Variants in FOXP2 observed in about 807,000 individuals in gnomAD.
FOXP2 encodes forkhead box protein P2.
In FOXP2, 12 loss-of-function variants were observed where a neutral mutation model predicts 115.8. That is an observed-to-expected ratio of 0.10 (90% CI 0.07 to 0.17). The LOEUF is 0.17. Ranked by LOEUF, FOXP2 falls within the 10% of genes least tolerant of loss-of-function variation. FOXP2 has a pLI of 1.00. For synonymous variants in FOXP2, 328 were observed against 297.7 expected (o/e 1.10, Z -1.05); for missense variants, 629 against 843.5 (o/e 0.75, Z 3.15).
rs530477124 is a variant in FOXP2, at chr7:114,224,777, C to T, written c.-102+61689C>T. On this transcript the variant is annotated intron_variant, in intron 1 of 17. Coordinates refer to the FOXP2 transcript ENST00000634411. ...CAAGAGAACCTCTGGCCTCAACCTC[C>T]GTAGTAGGTGGGATTATAAGTGTGC... Among the ~76,000 whole-genome samples the T allele has an allele frequency of 5.3e-5, 8 of 152,146 alleles. 1 individual carries two copies. In the South Asian group the frequency reaches 1.2e-3, roughly 24 times the overall value.
At chr7:114,177,642 T>G (rs1793351718) in intron 1 of FOXP2, among the ~76,000 whole-genome samples, 2 of 152,078 alleles carry the variant, frequency 1.3e-5, no homozygotes, top group African/African-American at 4.8e-5. Context: ...TGTATGAGTT[T>G]TAGACAATAA....
chr7:114,510,348 C>T (rs572034083), intron 2 of FOXP2, among the ~76,000 whole-genome samples: 3 of 152,142 alleles, frequency 2.0e-5, no homozygotes, highest in Admixed American at 2.0e-4. Flanking sequence ...TCAATTATCT[C>T]TTTATGGCCA....
chr7:114,281,396 T>C (rs2129174893), intron 1 of FOXP2, among the ~76,000 whole-genome samples: 1 of 152,206 alleles, frequency 6.6e-6, no homozygotes, highest in East Asian at 1.9e-4. Context: ...CCACCGTGCC[T>C]GGCCTGAAAT....
chr7:114,637,662 G>A lies in FOXP2; in HGVS notation c.776-4748G>A, dbSNP rs578244650. ...ATACATTTTAGTGTAGAAGGCAGAT[G>A]ATAAATAAGTTAAGTAAAATATATA... On this transcript the variant is annotated intron_variant, in intron 6 of 16. Transcript: ENST00000350908. Among the ~76,000 whole-genome samples the A allele has an allele frequency of 3.6e-4, 54 of 152,090 alleles. 1 individual carries two copies. The highest frequency in any genetic ancestry group is 7.1e-4 in the Non-Finnish European group (48 of 68,030).
At chr7:114,225,925 C>A (rs1794735548) in intron 1 of FOXP2, among the ~76,000 whole-genome samples, 2 of 152,224 alleles carry the variant, frequency 1.3e-5, no homozygotes, top group Non-Finnish European at 2.9e-5. Context: ...ATTTTTCCCA[C>A]CCCACTTGTA....
At chr7:114,405,189 A>G (rs774700926) in intron 2 of FOXP2, among the ~76,000 whole-genome samples, 1 of 151,902 alleles carries the variant, frequency 6.6e-6, no homozygotes, top group Non-Finnish European at 1.5e-5. Flanking sequence ...TTATGTGTGT[A>G]GGTTTCTAAA....
chr7:114,679,423 C>T (rs899887376), intron 16 of FOXP2, among the ~76,000 whole-genome samples: 2 of 152,202 alleles, frequency 1.3e-5, no homozygotes, highest in African/African-American at 4.8e-5. Flanking sequence ...GCAACTCTAC[C>T]TGCAGTGTCC....
At chr7:114,616,286 T>C (rs6965288) in intron 3 of FOXP2, among the ~76,000 whole-genome samples, 19,809 of 151,438 alleles carry the variant, frequency 0.13, 1,565 homozygotes, top group African/African-American at 0.22. Context: ...CCTCAGCCTC[T>C]GGTGTAGCTG....
intron 1 of FOXP2, among the ~76,000 whole-genome samples, chr7:114,225,618 A>T (rs979944058): frequency 6.7e-6 from 1 of 149,950 alleles, no homozygotes; most frequent in African/African-American, 2.4e-5. Context: ...CTAATTTTTA[A>T]TTTTTTTTTG....
At chr7:114,671,536 T>C (rs1427199164) in intron 16 of FOXP2, among the ~76,000 whole-genome samples, 1 of 152,214 alleles carries the variant, frequency 6.6e-6, no homozygotes, top group Non-Finnish European at 1.5e-5. Context: ...AAGAAGGTAC[T>C]TTGTTAGAAC....
Position 114,690,049 on chromosome 7 carries a change from G to T in FOXP2, c.*123G>T. 1 of 1,229,440 alleles carries T rather than the reference G, an allele frequency of 8.1e-7. No individual in the cohort carries two copies. The highest frequency in any genetic ancestry group is 1.2e-5 in the South Asian group (1 of 81,248). The allele number at this position is 1,229,440 out of a possible 1,614,324, so 76.2% of individuals were successfully genotyped here. On this transcript the variant is annotated 3_prime_UTR_variant, in exon 17 of 17. Transcript: ENST00000350908. ...TTATTAAGCATGGATAAAGGAGACAGCCCTAAAGGAACTTACTAAGCCAGC... is the reference window on the plus strand; with the variant it reads ...TTATTAAGCATGGATAAAGGAGACATCCCTAAAGGAACTTACTAAGCCAGC...
intron 1 of FOXP2, among the ~76,000 whole-genome samples, chr7:114,106,347 G>A (rs1026141544): frequency 6.7e-6 from 1 of 148,730 alleles, no homozygotes; most frequent in Non-Finnish European, 1.5e-5. Flanking sequence ...TTTCCTAGCT[G>A]CTGTCCCCTC....
intron 10 of FOXP2, 166 bp downstream of exon 10, chr7:114,654,175 TAATGCTA>T: frequency 7.5e-6 from 11 of 1,469,136 alleles, no homozygotes; most frequent in South Asian, 1.3e-5. Flanking sequence ...TCTTTTAAAG[TAATGCTA>T]TCTTTTACAA....
At chr7:114,098,274 C>T (rs1349267204) in intron 1 of FOXP2, among the ~76,000 whole-genome samples, 1 of 152,132 alleles carries the variant, frequency 6.6e-6, no homozygotes, top group African/African-American at 2.4e-5. Flanking sequence ...TTAGCTCTGG[C>T]TGATGACTTT....
At chr7:114,143,460 C>G (rs1334986884) in intron 1 of FOXP2, among the ~76,000 whole-genome samples, 1 of 151,928 alleles carries the variant, frequency 6.6e-6, no homozygotes, top group African/African-American at 2.4e-5. Context: ...CAATGCCCCC[C>G]CACCCCCAGT....
At chr7:114,614,744 C>T (rs867838706) in intron 3 of FOXP2, among the ~76,000 whole-genome samples, 7 of 152,204 alleles carry the variant, frequency 4.6e-5, no homozygotes, top group Middle Eastern at 3.4e-3. Flanking sequence ...AAAAGATCAT[C>T]ATCATCAACA....
intron 2 of FOXP2, among the ~76,000 whole-genome samples, chr7:114,531,195 A>G (rs528456204): frequency 4.9e-4 from 75 of 151,930 alleles, no homozygotes; most frequent in Middle Eastern, 3.4e-3. Flanking sequence ...CTTTTGTTCA[A>G]AATTAATTTT....
intron 1 of FOXP2, among the ~76,000 whole-genome samples, chr7:114,215,433 A>G (rs1241010414): frequency 6.6e-6 from 1 of 152,156 alleles, no homozygotes; most frequent in Non-Finnish European, 1.5e-5. Context: ...ATGCCAGATT[A>G]CTAGGTTCAA....
intron 3 of FOXP2, among the ~76,000 whole-genome samples, chr7:114,569,828 A>G (rs529258541): frequency 6.6e-6 from 1 of 152,104 alleles, no homozygotes; most frequent in Non-Finnish European, 1.5e-5. Flanking sequence ...TCTGAACTTC[A>G]TAGATGTATT....
Sources: gnomAD v4.1 joint callset for allele counts (sites outside exome capture counted in the v4.1 genomes callset) on GRCh38, gnomAD v4.1.1 for gene constraint, MANE v1.5 for transcripts, NCBI Gene and HGNC (gene_info 2026-07-23, HGNC 2026-07-21) for gene names.